VAV2: variants seen among roughly 807,000 people sequenced by gnomAD.
VAV2 encodes the protein guanine nucleotide exchange factor VAV2.
Under a neutral mutation model 132.5 loss-of-function variants are expected in VAV2, and 67 were observed. The observed-to-expected ratio is 0.51, with a 90% CI of 0.42 to 0.62. VAV2 has a LOEUF of 0.62. Ranked by LOEUF, VAV2 falls within the 20% of genes least tolerant of loss-of-function variation. The pLI is 0.00. For synonymous variants in VAV2, 492 were observed against 443.5 expected, an observed-to-expected ratio of 1.11 and a Z score of -1.37; for missense variants, 938 against 1,153.6, an observed-to-expected ratio of 0.81 and a Z score of 2.71.
intron 2 of VAV2, among the ~76,000 whole-genome samples, chr9:133,897,157 G>A (rs1296951064): frequency 1.3e-5 from 2 of 152,152 alleles, no homozygotes; most frequent in Admixed American, 6.5e-5. Context: ...GAAGCGACTC[G>A]GGAGCCTATC....
chr9:133,981,167 C>T (rs1414028379), intron 1 of VAV2, among the ~76,000 whole-genome samples: 3 of 152,178 alleles, frequency 2.0e-5, no homozygotes, highest in African/African-American at 7.2e-5. Context: ...GTTTTCCTCA[C>T]TCATGGTCCT....
At chr9:133,896,954 C>T (rs959631867) in intron 2 of VAV2, among the ~76,000 whole-genome samples, 3 of 151,948 alleles carry the variant, frequency 2.0e-5, no homozygotes, top group Admixed American at 6.6e-5. Context: ...ATTAGCCCGG[C>T]GTGGTGGCGG....
rs145861908 is a variant in VAV2 at position 133,866,109 on chromosome 9, C to T, written c.322-4677G>A. 2.1e-3 allele frequency among the ~76,000 whole-genome samples: 323 copies of T among 152,332 alleles called. 6 individuals carry two copies. Among genetic ancestry groups the T allele is most frequent in the African/African-American group, 7.4e-3 (309 of 41,580 alleles). On this transcript the variant is annotated intron_variant, in intron 2 of 29. Transcript: ENST00000371850. ...CTCACCTCCACCATGATGCAACCCC[C>T]GCTGTTAGGGCCCAAGCCCTAGGGT... is the stretch of plus-strand genomic sequence containing the variant.
chr9:133,774,948 CA>C lies in VAV2; in HGVS notation c.2121del (p.Phe707LeufsTer3). ...IRERPAEAER[F>X]AISIKFNDEV... ...GCCGCCACTTACTTGATGCTTATTGCAAAGCGCTCAGCCTCGGCAGGCCGCT... is the reference window on the plus strand; with the variant it reads ...GCCGCCACTTACTTGATGCTTATTGCAAGCGCTCAGCCTCGGCAGGCCGCT... On this transcript the variant is annotated frameshift_variant, in exon 25 of 30. Transcript: ENST00000371850. LOFTEE classifies it high-confidence loss of function. 1 of 1,612,304 alleles carries C rather than the reference CA, an allele frequency of 6.2e-7. No individual in the cohort carries two copies. Among genetic ancestry groups the C allele is most frequent in the East Asian group, 2.2e-5 (1 of 44,800 alleles).
intron 23 of VAV2, among the ~76,000 whole-genome samples, 178 bp from the exon 24 acceptor site, chr9:133,776,258 C>A (rs1449906419): frequency 1.3e-5 from 2 of 152,348 alleles, no homozygotes; most frequent in Admixed American, 6.5e-5. Context: ...GTGGCCAGGA[C>A]AACCTCATCT....
At chr9:133,825,320 C>CG (rs1405949849) in intron 4 of VAV2, among the ~76,000 whole-genome samples, 2 of 152,146 alleles carry the variant, frequency 1.3e-5, no homozygotes, top group East Asian at 1.9e-4. Flanking sequence ...CAGGGAGGGA[C>CG]GGGGGGATGC....
intron 2 of VAV2, among the ~76,000 whole-genome samples, chr9:133,906,789 G>T (rs112498962): frequency 6.6e-6 from 1 of 152,182 alleles, no homozygotes; most frequent in Non-Finnish European, 1.5e-5. Flanking sequence ...GGGTCCCTGC[G>T]GAGCCAGGCT....
In VAV2 at chr9:133,861,229, G is replaced by A. The variant is rs936177248; in HGVS notation, c.380+145C>T. The A allele has an allele frequency of 1.6e-5, 12 of 770,848 alleles. No individual in the cohort carries two copies. In the East Asian group the frequency reaches 2.2e-4, roughly 14 times the overall value. The allele number at this position is 770,848 out of a possible 1,614,324, so 47.8% of individuals were successfully genotyped here. A position where few individuals can be genotyped will look rare whatever the true frequency, so the allele number is the denominator to read the frequency against. ...CACACCCCTTCCTGCAGCCGCCAAC[G>A]GGTTACGCGACAACACGCTGCAAAT... On this transcript the variant is annotated intron_variant, in intron 3 of 29. Transcript: ENST00000371850.
In VAV2 at chr9:133,857,303, A is replaced by C. The variant is rs1355701675; in HGVS notation, c.380+4071T>G. Among the ~76,000 whole-genome samples the C allele has an allele frequency of 6.6e-6, 1 of 151,828 alleles. No individual in the cohort carries two copies. The highest frequency in any genetic ancestry group is 1.5e-5 in the Non-Finnish European group (1 of 67,984). ...AACCCCTCTCCCACTCTACAACCAC[A>C]ATCCTCCCCCTTGCCCCGCTTCCCC... On this transcript the variant is annotated intron_variant, in intron 3 of 29. Transcript: ENST00000371850. The surrounding 1 kb of genome is among the most constrained non-coding windows in gnomAD (Gnocchi z 4.0).
In VAV2 at chr9:133,768,536, A is replaced by G; in HGVS notation, c.2495T>C (p.Met832Thr). The G allele has an allele frequency of 1.9e-6, 3 of 1,613,804 alleles. No homozygotes were observed. Among genetic ancestry groups the G allele is most frequent in the Non-Finnish European group, 2.5e-6 (3 of 1,179,942 alleles). Residue 832 changes from methionine to threonine, a missense_variant, in exon 29 of 30, where the codon ATG becomes ACG. Coordinates refer to ENST00000371850, the MANE Select transcript of VAV2 (RefSeq NM_001134398.2). This position sits in a 1 kb window ranked among gnomAD's most constrained non-coding sequence, Gnocchi z 5.3. ...VARYNFAARD[M>T]RELSLREGDV... ...ACCCTCCCGCAGCGAAAGCTCCCTC[A>G]TATCTCGGGCGGCAAAGTTATACCT...
Position 133,833,993 on chromosome 9 carries a change from C to T in VAV2, c.449+279G>A, listed in dbSNP as rs1426933843. ...GGAGGACCCTGCTAGGGCAATGGGC[C>T]AACACCCGGGCCAGCCATTAGACTG... On this transcript the variant is annotated intron_variant, in intron 4 of 29. Coordinates refer to ENST00000371850, the MANE Select transcript of VAV2 (RefSeq NM_001134398.2). This position sits in a 1 kb window ranked among gnomAD's most constrained non-coding sequence, Gnocchi z 5.6. Among the ~76,000 whole-genome samples the T allele has an allele frequency of 2.0e-5, 3 of 152,180 alleles. No homozygotes were observed. Among genetic ancestry groups the T allele is most frequent in the Non-Finnish European group, 4.4e-5 (3 of 68,016 alleles).
At chr9:133,941,121 A>G (rs1841138236) in intron 1 of VAV2, among the ~76,000 whole-genome samples, 1 of 152,176 alleles carries the variant, frequency 6.6e-6, no homozygotes, top group East Asian at 1.9e-4. Flanking sequence ...AAATGTGGCT[A>G]GTCCGGCTGG....
intron 3 of VAV2, among the ~76,000 whole-genome samples, chr9:133,843,864 G>A (rs1379527814): frequency 6.6e-6 from 1 of 152,174 alleles, no homozygotes; most frequent in Non-Finnish European, 1.5e-5. Context: ...CTGTCCCATG[G>A]AGTGGCGGGT....
Position 133,992,300 on chromosome 9 carries a change from C to G in VAV2, c.-22G>C, listed in dbSNP as rs770975372. On this transcript the variant is annotated 5_prime_UTR_variant, in exon 1 of 30. Coordinates refer to ENST00000371850, the MANE Select transcript of VAV2 (RefSeq NM_001134398.2). This position sits in a 1 kb window ranked among gnomAD's most constrained non-coding sequence, Gnocchi z 5.5. ...CCATGGCGCCCGCGGGCCCGACCGG[C>G]TCAGGGCAGTGCTCGAGCCAAAGTG... The G allele has an allele frequency of 2.1e-6, 3 of 1,425,788 alleles. No individual in the cohort carries two copies. The highest frequency in any genetic ancestry group is 2.8e-6 in the Non-Finnish European group (3 of 1,079,526). The allele number at this position is 1,425,788 out of a possible 1,614,324, so 88.3% of individuals were successfully genotyped here. A position where few individuals can be genotyped will look rare whatever the true frequency, so the allele number is the denominator to read the frequency against.
chr9:133,791,648 G>T, intron 13 of VAV2, 135 bp downstream of exon 13: 1 of 737,410 alleles, frequency 1.4e-6, no homozygotes, highest in Non-Finnish European at 2.3e-6. Flanking sequence ...CTCAGAAGTT[G>T]CCGGGCACCA....
At chr9:133,779,134 C>T (rs1833916749) in intron 21 of VAV2, among the ~76,000 whole-genome samples, 1 of 152,264 alleles carries the variant, frequency 6.6e-6, no homozygotes, top group African/African-American at 2.4e-5. Context: ...TCAGATGGCA[C>T]TTTGTGTTTT....
At chr9:133,901,051 C>T (rs1588339848) in intron 2 of VAV2, among the ~76,000 whole-genome samples, 1 of 152,130 alleles carries the variant, frequency 6.6e-6, no homozygotes, top group East Asian at 1.9e-4. Context: ...CTGCCCGCCT[C>T]AGCCTCCCAA....
At chr9:133,978,004 C>CCA (rs2132279812) in intron 1 of VAV2, among the ~76,000 whole-genome samples, 1 of 129,876 alleles carries the variant, frequency 7.7e-6, no homozygotes, top group East Asian at 1.9e-4. Flanking sequence ...CACGCAGCTC[C>CCA]CACGCCCCCT....
intron 3 of VAV2, among the ~76,000 whole-genome samples, chr9:133,852,543 G>A (rs773143209): frequency 6.8e-4 from 103 of 152,198 alleles, no homozygotes; most frequent in East Asian, 2.1e-3. Flanking sequence ...GTGATGATCC[G>A]GGAGTGGAGC....
Sources: gnomAD v4.1 joint callset for allele counts (sites outside exome capture counted in the v4.1 genomes callset) on GRCh38, gnomAD v4.1.1 for gene constraint, Gnocchi (gnomAD v3.1) non-coding constraint, MANE v1.5 for transcripts, NCBI Gene and HGNC (gene_info 2026-07-23, HGNC 2026-07-21) for gene names.